The following PCDHGB2 variants were observed in gnomAD, a reference collection of about 807,000 sequenced individuals.
PCDHGB2 encodes the protein protocadherin gamma subfamily B, 2.
Under a neutral mutation model 59.3 loss-of-function variants are expected in PCDHGB2, and 55 were observed. The ratio of observed to expected loss-of-function variants is 0.93; its 90% CI spans 0.75 to 1.16. PCDHGB2 has a LOEUF of 1.16. Among genes scored for constraint, PCDHGB2 ranks in the 50% most tolerant of loss-of-function variants. PCDHGB2 has a pLI of 0.00. For synonymous variants in PCDHGB2, 516 were observed against 512.0 expected (o/e 1.01, Z -0.11); for missense variants, 1,228 against 1,198.5 (o/e 1.02, Z -0.36).
At chr5:141,417,821 A>C in intron 1 of PCDHGB2, 3 of 1,515,060 alleles carry the variant, frequency 2.0e-6, no homozygotes, top group Non-Finnish European at 1.8e-6. Context: ...ACTTTCTCCA[A>C]CTGGAAAAGC....
intron 1 of PCDHGB2, among the ~76,000 whole-genome samples, chr5:141,482,048 G>A (rs375214441): frequency 1.3e-5 from 2 of 150,044 alleles, no homozygotes; most frequent in Non-Finnish European, 2.9e-5. Flanking sequence ...TCATGCTGTT[G>A]CATTCCAGCC....
intron 1 of PCDHGB2, chr5:141,428,358 G>C: frequency 1.8e-6 from 1 of 565,492 alleles, no homozygotes; most frequent in South Asian, 1.9e-5. Context: ...TGATTTTGGC[G>C]GTCGCCTTGC....
chr5:141,404,083 G>A (rs761560113), intron 1 of PCDHGB2: 7 of 1,613,736 alleles, frequency 4.3e-6, no homozygotes, highest in Admixed American at 3.3e-5. Context: ...GAGACTCCGG[G>A]AAGAATGGTC....
chr5:141,409,697 C>A (rs372548874), intron 1 of PCDHGB2: 1 of 1,613,178 alleles, frequency 6.2e-7, no homozygotes, highest in African/African-American at 1.3e-5. Context: ...CCTAGAGCCC[C>A]TGGCGGTGTC....
chr5:141,400,233 C>G (rs373858401), intron 1 of PCDHGB2: 21 of 1,613,872 alleles, frequency 1.3e-5, no homozygotes, highest in Non-Finnish European at 1.8e-5. Context: ...TCCTCCTGGC[C>G]GTGATTCTGG....
In PCDHGB2 at chr5:141,371,429, G is replaced by A. The variant is rs766625096; in HGVS notation, c.2421+8873G>A. 6.2e-6 allele frequency: 10 copies of A among 1,613,916 alleles called. No homozygotes were observed. In the East Asian group the frequency reaches 1.6e-4, roughly 25 times the overall value. On this transcript the variant is annotated intron_variant, in intron 1 of 3. Transcript: ENST00000522605. ...TTTCAGATGAAAATGACAATGCCCC[G>A]GAGATAACCCTGGCTTCTGAATCCC...
In PCDHGB2 at chr5:141,509,341, G is replaced by C. The variant is rs552337350; in HGVS notation, c.2570-1606G>C. Among the ~76,000 whole-genome samples, 4 of 152,290 alleles carry C rather than the reference G, an allele frequency of 2.6e-5. No homozygotes were observed. The East Asian group carries it at 7.7e-4, about 29-fold the overall frequency. On this transcript the variant is annotated intron_variant, in intron 3 of 3. Transcript: ENST00000522605. ...GAAGCTCTACTGCCAGCTGGGCCTG[G>C]GCTGGCCTGGGCATCCCTGAGGTTT...
chr5:141,483,660 G>GTCTGTA (rs2099584988), intron 1 of PCDHGB2, among the ~76,000 whole-genome samples: 1 of 152,094 alleles, frequency 6.6e-6, no homozygotes, highest in Non-Finnish European at 1.5e-5. Context: ...GTGTGTGTGT[G>GTCTGTA]TGTGTGTGTA....
At chr5:141,368,270 A>G (rs963622826) in intron 1 of PCDHGB2, among the ~76,000 whole-genome samples, 1 of 152,184 alleles carries the variant, frequency 6.6e-6, no homozygotes, top group Non-Finnish European at 1.5e-5. Flanking sequence ...ACATTAAAGA[A>G]CCTAAGACCA....
At chr5:141,446,295 G>A (rs146503397) in intron 1 of PCDHGB2, among the ~76,000 whole-genome samples, 1 of 152,196 alleles carries the variant, frequency 6.6e-6, no homozygotes, top group Non-Finnish European at 1.5e-5. Flanking sequence ...TGGGGAGCAG[G>A]GATTAAGAGT....
intron 1 of PCDHGB2, chr5:141,478,046 C>A (rs762982394): frequency 3.7e-6 from 6 of 1,614,172 alleles, no homozygotes; most frequent in Non-Finnish European, 5.1e-6. Flanking sequence ...CAGGCAGACT[C>A]TCACGGTCTT....
rs71576115 is a variant in PCDHGB2, at chr5:141,463,438, CTTTT to C, written c.2422-31344_2422-31341del. Among the ~76,000 whole-genome samples, 12 of 103,242 alleles carry C rather than the reference CTTTT, an allele frequency of 1.2e-4. No homozygotes were observed. In the South Asian group the frequency reaches 1.6e-3, roughly 14 times the overall value. 67.7% of individuals were successfully genotyped at this position (103,242 alleles called of 152,430 possible). ...GTTTGCGGATCCTCATTTCCTTCTCCTTTTTTTTTTTTTTTTTTTTTTTTTTTTG... is the reference window on the plus strand; with the variant it reads ...GTTTGCGGATCCTCATTTCCTTCTCCTTTTTTTTTTTTTTTTTTTTTTTTG... On this transcript the variant is annotated intron_variant, in intron 1 of 3. Coordinates refer to ENST00000522605, the MANE Select transcript of PCDHGB2 (RefSeq NM_018923.3).
chr5:141,465,865 G>A (rs374058078), intron 1 of PCDHGB2, among the ~76,000 whole-genome samples: 7 of 151,900 alleles, frequency 4.6e-5, no homozygotes, highest in African/African-American at 1.7e-4. Flanking sequence ...GCTCATGCCT[G>A]TAATCCCAGC....
intron 1 of PCDHGB2, chr5:141,478,773 T>C (rs975950601): frequency 1.3e-6 from 2 of 1,496,766 alleles, no homozygotes; most frequent in African/African-American, 2.8e-5. Context: ...GACTCATCTG[T>C]GGACCTAATT....
chr5:141,393,508 T>C, intron 1 of PCDHGB2: 1 of 1,614,010 alleles, frequency 6.2e-7, no homozygotes, highest in Non-Finnish European at 8.5e-7. Context: ...CACGTGACAG[T>C]GTTGGATACA....
intron 1 of PCDHGB2, among the ~76,000 whole-genome samples, chr5:141,435,951 G>C (rs371199258): frequency 3.9e-5 from 6 of 152,100 alleles, no homozygotes; most frequent in African/African-American, 1.4e-4. Flanking sequence ...ACCAAAAAAG[G>C]GGGCAAAATA....
intron 3 of PCDHGB2, 87 bp from the exon 4 acceptor site, chr5:141,510,854 TGTATAG>T: frequency 6.2e-7 from 1 of 1,602,320 alleles, no homozygotes; most frequent in Non-Finnish European, 8.5e-7. Flanking sequence ...CCCAGGGTGC[TGTATAG>T]GCATTCATTA....
intron 1 of PCDHGB2, chr5:141,389,813 C>G (rs575968401): frequency 1.3e-5 from 21 of 1,613,846 alleles, no homozygotes; most frequent in South Asian, 2.2e-5. Context: ...TTCTGGTCGC[C>G]GTGCGTGACG....
intron 1 of PCDHGB2, chr5:141,422,357 C>T: frequency 6.4e-7 from 1 of 1,557,656 alleles, no homozygotes; most frequent in South Asian, 1.3e-5. Context: ...GATCAAGATT[C>T]TGGAGAAAAT....
Sources: gnomAD v4.1 joint callset for allele counts (sites outside exome capture counted in the v4.1 genomes callset) on GRCh38, gnomAD v4.1.1 for gene constraint, MANE v1.5 for transcripts, NCBI Gene and HGNC (gene_info 2026-07-23, HGNC 2026-07-21) for gene names.